The following MPDZ variants were observed in gnomAD, a reference collection of about 807,000 sequenced individuals.
The protein encoded by MPDZ is multiple PDZ domain protein.
MPDZ carries 234 observed loss-of-function variants against 239.1 expected under a neutral mutation model. The ratio of observed to expected loss-of-function variants is 0.98; its 90% CI spans 0.88 to 1.09. MPDZ has a LOEUF of 1.09. Among genes scored for constraint, MPDZ ranks in the 50% least tolerant of loss-of-function variants. The probability of loss-of-function intolerance (pLI) is 0.00; values close to 1 mark genes in which losing one functional copy is unlikely to be tolerated. For missense variants in MPDZ, 3,175 were observed against 2,510.0 expected (o/e 1.26, Z -5.66); for synonymous variants, 1,048 against 881.3 (o/e 1.19, Z -3.35).
At chr9:13,271,983 T>TG (rs1241445655) in intron 1 of MPDZ, among the ~76,000 whole-genome samples, 2 of 151,680 alleles carry the variant, frequency 1.3e-5, no homozygotes, top group Non-Finnish European at 2.9e-5. Context: ...TACTTGGAGA[T>TG]GGGAGGGGTG....
intron 44 of MPDZ, 81 bp downstream of exon 44, chr9:13,110,555 C>T: frequency 1.1e-6 from 1 of 916,974 alleles, no homozygotes; most frequent in Non-Finnish European, 1.7e-6. Context: ...AAGATTTAAT[C>T]ATTTTTACTG....
At chr9:13,205,468 A>G (rs1360729020) in intron 11 of MPDZ, among the ~76,000 whole-genome samples, 1 of 152,208 alleles carries the variant, frequency 6.6e-6, no homozygotes, top group Non-Finnish European at 1.5e-5. Flanking sequence ...CAAACAGCTT[A>G]TGAATGACAT....
chr9:13,220,561 C>G (rs1343445648), intron 7 of MPDZ, among the ~76,000 whole-genome samples: 1 of 151,926 alleles, frequency 6.6e-6, no homozygotes, highest in Non-Finnish European at 1.5e-5. Context: ...AGAGACATTT[C>G]ATTTGATGCT....
At chr9:13,234,803 C>G (rs571342035) in intron 3 of MPDZ, among the ~76,000 whole-genome samples, 50 of 96,858 alleles carry the variant, frequency 5.2e-4, no homozygotes, top group Admixed American at 2.5e-3. Flanking sequence ...AGACGCACCT[C>G]TTAGAAATGC....
intron 18 of MPDZ, among the ~76,000 whole-genome samples, chr9:13,184,685 C>G: frequency 6.6e-6 from 1 of 151,874 alleles, no homozygotes; most frequent in Non-Finnish European, 1.5e-5. Context: ...AGCCTTGTGT[C>G]ATAGATTACA....
chr9:13,158,533 A>G (rs574735006), intron 23 of MPDZ, among the ~76,000 whole-genome samples: 3 of 152,292 alleles, frequency 2.0e-5, no homozygotes, highest in African/African-American at 7.2e-5. Context: ...CTTGTCCTGA[A>G]TGAATTTCTA....
At chr9:13,140,877 T>C (rs757714536) in intron 27 of MPDZ, 5 of 152,084 alleles carry the variant, frequency 3.3e-5, no homozygotes, top group Admixed American at 6.6e-5. Flanking sequence ...TCTTAACAAA[T>C]CCAGGACAGC....
At chr9:13,258,188 G>A (rs1031675381) in intron 1 of MPDZ, among the ~76,000 whole-genome samples, 1 of 152,214 alleles carries the variant, frequency 6.6e-6, no homozygotes, top group African/African-American at 2.4e-5. Context: ...ATGGTAACAT[G>A]TAGGCACAGC....
intron 45 of MPDZ, among the ~76,000 whole-genome samples, chr9:13,109,475 T>G (rs1318083015): frequency 6.6e-6 from 1 of 152,188 alleles, no homozygotes; most frequent in Non-Finnish European, 1.5e-5. Flanking sequence ...AAAAGCTGCA[T>G]CAAATTATTT....
chr9:13,177,553 T>A (rs1424641531), intron 19 of MPDZ, among the ~76,000 whole-genome samples: 1 of 152,194 alleles, frequency 6.6e-6, no homozygotes, highest in Admixed American at 6.5e-5. Context: ...TTTACTTTTT[T>A]TGCAGTATCT....
At chr9:13,119,779 G>A (rs1223803511) in intron 38 of MPDZ, 130 bp from the exon 39 acceptor site, 2 of 929,790 alleles carry the variant, frequency 2.2e-6, no homozygotes, top group Non-Finnish European at 3.4e-6. Context: ...GTTATTTGGA[G>A]CAACACTGGG....
intron 3 of MPDZ, among the ~76,000 whole-genome samples, chr9:13,229,567 ACAC>A (rs1328834496): frequency 6.7e-6 from 1 of 150,200 alleles, no homozygotes; most frequent in Admixed American, 6.7e-5. Flanking sequence ...TTCATGCCAC[ACAC>A]CACACTTACA....
intron 3 of MPDZ, among the ~76,000 whole-genome samples, chr9:13,231,568 T>C (rs1324393578): frequency 1.3e-5 from 2 of 151,852 alleles, no homozygotes; most frequent in Non-Finnish European, 2.9e-5. Context: ...AAAATAATAA[T>C]AATAGTAATT....
intron 2 of MPDZ, among the ~76,000 whole-genome samples, chr9:13,250,077 T>C (rs1269456998): frequency 6.6e-6 from 1 of 152,234 alleles, no homozygotes; most frequent in African/African-American, 2.4e-5. Context: ...ATATCTCATA[T>C]GTTTTTAATT....
intron 3 of MPDZ, among the ~76,000 whole-genome samples, chr9:13,226,725 G>C (rs1960737317): frequency 6.6e-6 from 1 of 152,114 alleles, no homozygotes; most frequent in African/African-American, 2.4e-5. Context: ...TTTCATCCCA[G>C]TCAGTGGAGA....
At chr9:13,221,549 C>T (rs1564066744) in intron 6 of MPDZ, 49 bp from the exon 7 acceptor site, 4 of 1,576,110 alleles carry the variant, frequency 2.5e-6, no homozygotes, top group Non-Finnish European at 2.6e-6. Context: ...CAAAGCACTA[C>T]CATTTTACAT....
intron 2 of MPDZ, among the ~76,000 whole-genome samples, chr9:13,249,117 C>A (rs1466667165): frequency 1.3e-5 from 2 of 149,842 alleles, no homozygotes; most frequent in Non-Finnish European, 3.0e-5. Flanking sequence ...CACACACACA[C>A]ACACACACAC....
rs771794280 is a variant in MPDZ, at chr9:13,217,216, T to C, written c.1165A>G (p.Ile389Val). The C allele has an allele frequency of 6.2e-7, 1 of 1,602,448 alleles. No homozygotes were observed. The highest frequency in any genetic ancestry group is 1.1e-5 in the South Asian group (1 of 88,240). Residue 389 changes from isoleucine to valine, a missense_variant, in exon 9 of 47, where the codon ATT becomes GTT. Physicochemically the swap from Ile to Val is conservative, Grantham distance 29. Transcript: ENST00000319217. ...ELTKNVQGLG[I>V]TIAGYIGDKK... ...TCTCCAATGTAGCCAGCAATGGTAA[T>C]TCCTAATCCTTGGACATTTTTAGTG...
intron 42 of MPDZ, among the ~76,000 whole-genome samples, chr9:13,112,566 G>A (rs1942676672): frequency 6.6e-6 from 1 of 152,118 alleles, no homozygotes; most frequent in African/African-American, 2.4e-5. Context: ...TCTCACAGAG[G>A]GCTGCAGTGA....
Sources: allele counts gnomAD v4.1 joint callset (sites outside exome capture counted in the v4.1 genomes callset), GRCh38; gene constraint gnomAD v4.1.1; transcripts MANE v1.5; gene names NCBI Gene and HGNC (gene_info 2026-07-23, HGNC 2026-07-21).